Variants in KLHL32 observed in about 807,000 individuals in gnomAD.
The protein encoded by KLHL32 is kelch like family member 32.
A neutral mutation model predicts 64.8 loss-of-function variants in KLHL32; 35 were observed. The observed-to-expected ratio is 0.54, with a 90% confidence interval of 0.41 to 0.72. The LOEUF (loss-of-function observed/expected upper bound fraction) is 0.72. KLHL32 is among the 30% of genes least tolerant of loss of function. KLHL32 has a pLI of 0.00. For synonymous variants in KLHL32, 259 were observed against 281.0 expected (o/e 0.92, Z 0.78); for missense variants, 589 against 768.5 (o/e 0.77, Z 2.76).
chr6:96,992,768 G>A (rs1451670272), intron 3 of KLHL32, among the ~76,000 whole-genome samples: 1 of 152,168 alleles, frequency 6.6e-6, no homozygotes, highest in Non-Finnish European at 1.5e-5. Flanking sequence ...AAAGCCTCTG[G>A]AGAAACTTCA....
At chr6:97,061,014 G>A (rs1012985151) in intron 4 of KLHL32, among the ~76,000 whole-genome samples, 2 of 152,128 alleles carry the variant, frequency 1.3e-5, no homozygotes, top group Admixed American at 1.3e-4. Flanking sequence ...GTAATGAGAT[G>A]TGATCATCTC....
chr6:97,114,073 A>G lies in KLHL32; in HGVS notation c.918A>G (p.Glu306=), dbSNP rs774554789. The G allele has an allele frequency of 6.2e-7, 1 of 1,614,208 alleles. No individual in the cohort carries two copies. Among genetic ancestry groups the G allele is most frequent in the South Asian group, 1.1e-5 (1 of 91,082 alleles). Reference sequence around the variant, plus strand: ...AGCGCGAGGTCTGCAAGGTCAAGGAACTTCGGTACTTCAATCCTGTTGATC... The same window carrying G: ...AGCGCGAGGTCTGCAAGGTCAAGGAGCTTCGGTACTTCAATCCTGTTGATC... The part of the protein sequence containing the change: ...GKKREVCKVK[E]LRYFNPVDQE... Residue 306 remains glutamate (E), a synonymous_variant, in exon 7 of 11, where the codon GAA becomes GAG. Transcript: ENST00000369261.
the KLHL32 span, among the ~76,000 whole-genome samples, chr6:96,911,613 C>G: frequency 2.6e-5 from 4 of 152,098 alleles, no homozygotes; most frequent in African/African-American, 9.7e-5. Flanking sequence ...CTTCCCGCCT[C>G]CCATTTACTC....
intron 1 of KLHL32, among the ~76,000 whole-genome samples, chr6:96,926,097 T>A (rs960519364): frequency 6.6e-5 from 10 of 152,216 alleles, no homozygotes; most frequent in African/African-American, 2.4e-4. Flanking sequence ...ACACAGTACT[T>A]GAAGGCATCA....
intron 6 of KLHL32, among the ~76,000 whole-genome samples, chr6:97,094,674 G>GA (rs913932182): frequency 6.6e-5 from 10 of 152,132 alleles, no homozygotes; most frequent in Non-Finnish European, 1.3e-4. Flanking sequence ...CAAATTCAGG[G>GA]AAAAAAAGTC....
chr6:97,019,684 G>A (rs79509055), intron 3 of KLHL32, among the ~76,000 whole-genome samples: 10,044 of 152,140 alleles, frequency 0.066, 715 homozygotes, highest in African/African-American at 0.18. Context: ...AAAAATAGGA[G>A]ACATCCAAAA....
rs1775654553 is a variant in KLHL32 at position 96,976,047 on chromosome 6, A to G, written c.74A>G (p.Asn25Ser). ...GQRLCHSESH[N>S]DSVLAALNQQ... ...AGGCTCTGCCACTCCGAATCTCACAATGACAGTGTCCTGGCAGCGCTGAAT... is the reference window on the plus strand; with the variant it reads ...AGGCTCTGCCACTCCGAATCTCACAGTGACAGTGTCCTGGCAGCGCTGAAT... Residue 25 changes from asparagine (N) to serine (S), a missense_variant, in exon 3 of 11, where the codon AAT (asparagine) becomes AGT (serine). Physicochemically the swap from Asn to Ser is conservative, Grantham distance 46. This residue lies in a region of KLHL32 where 191 missense variants were observed against 223.3 expected (regional missense o/e 0.86). Transcript: ENST00000369261. 1 of 1,603,188 alleles carries G rather than the reference A, an allele frequency of 6.2e-7. No individual in the cohort carries two copies. Among genetic ancestry groups the G allele is most frequent in the East Asian group, 2.3e-5 (1 of 44,394 alleles).
intron 3 of KLHL32, among the ~76,000 whole-genome samples, chr6:96,992,653 C>T (rs1430847756): frequency 6.6e-6 from 1 of 152,190 alleles, no homozygotes; most frequent in Non-Finnish European, 1.5e-5. Flanking sequence ...TGGCATTTAA[C>T]GGTGTTTGCT....
At chr6:96,932,202 G>GTTTTT (rs1251673140) in intron 1 of KLHL32, among the ~76,000 whole-genome samples, 1 of 124,318 alleles carries the variant, frequency 8.0e-6, no homozygotes. Context: ...AACTGACTGG[G>GTTTTT]TTATTTTTTT....
At chr6:96,912,844 G>C in the KLHL32 span, among the ~76,000 whole-genome samples, 1 of 152,066 alleles carries the variant, frequency 6.6e-6, no homozygotes, top group African/African-American at 2.4e-5. Context: ...TGTAATTGCT[G>C]CTTATTTGTC....
the KLHL32 span, among the ~76,000 whole-genome samples, chr6:96,912,057 C>T: frequency 6.6e-6 from 1 of 151,994 alleles, no homozygotes; most frequent in Non-Finnish European, 1.5e-5. Flanking sequence ...GTCCTACAGG[C>T]CTTTCAGACG....
chr6:97,065,985 A>ATT (rs5878459), intron 5 of KLHL32, among the ~76,000 whole-genome samples: 2 of 151,442 alleles, frequency 1.3e-5, no homozygotes, highest in African/African-American at 4.9e-5. Flanking sequence ...ATGGTTAATG[A>ATT]TTTTTTTTTA....
At chr6:97,021,887 C>A (rs1372145954) in intron 3 of KLHL32, among the ~76,000 whole-genome samples, 1 of 150,898 alleles carries the variant, frequency 6.6e-6, no homozygotes, top group Non-Finnish European at 1.5e-5. Context: ...TGGCAACTGT[C>A]CAGTTAATGC....
intron 5 of KLHL32, among the ~76,000 whole-genome samples, chr6:97,078,046 A>T (rs1193524398): frequency 6.6e-6 from 1 of 152,208 alleles, no homozygotes; most frequent in Non-Finnish European, 1.5e-5. Context: ...TACTTACCGT[A>T]TCCTACTTGC....
rs1434654007 is a variant in KLHL32, at chr6:96,994,336, G to T, written c.204+18159G>T. 3 of 273,630 alleles carry T rather than the reference G, an allele frequency of 1.1e-5. No individual in the cohort carries two copies. The Admixed American group carries it at 1.9e-4, about 18-fold the overall frequency. 17.0% of individuals were successfully genotyped at this position (273,630 alleles called of 1,614,324 possible). On this transcript the variant is annotated intron_variant, in intron 3 of 10. Coordinates refer to ENST00000369261, the MANE Select transcript of KLHL32 (RefSeq NM_052904.4). ...AATAAATATTTATTAAGGGAATGAAGAAATGTTTTCTAATATTTTATAGTT... is the reference window on the plus strand; with the variant it reads ...AATAAATATTTATTAAGGGAATGAATAAATGTTTTCTAATATTTTATAGTT...
At chr6:96,984,468 T>C (rs967171946) in intron 3 of KLHL32, among the ~76,000 whole-genome samples, 10 of 152,166 alleles carry the variant, frequency 6.6e-5, no homozygotes, top group Admixed American at 3.3e-4. Flanking sequence ...CTAATGTTGA[T>C]AGTGGGATGT....
chr6:97,098,682 G>T (rs1259124322), intron 6 of KLHL32, among the ~76,000 whole-genome samples: 1 of 152,094 alleles, frequency 6.6e-6, no homozygotes, highest in African/African-American at 2.4e-5. Context: ...GAACAGTTCT[G>T]TTTAAAATGT....
chr6:97,135,251 T>C (rs1799859345), intron 10 of KLHL32, among the ~76,000 whole-genome samples: 1 of 152,128 alleles, frequency 6.6e-6, no homozygotes, highest in Non-Finnish European at 1.5e-5. Flanking sequence ...ACTGCGTTTA[T>C]TCCTTTGGCT....
chr6:97,086,541 T>C (rs1793442618), intron 6 of KLHL32, among the ~76,000 whole-genome samples: 1 of 152,238 alleles, frequency 6.6e-6, no homozygotes, highest in African/African-American at 2.4e-5. Context: ...ATGAGGCTTC[T>C]GTGCCTTACT....
Sources: gnomAD v4.1 joint callset for allele counts (sites outside exome capture counted in the v4.1 genomes callset) on GRCh38, gnomAD v4.1.1 for gene constraint, gnomAD v4.1.1 regional missense constraint, MANE v1.5 for transcripts, NCBI Gene and HGNC (gene_info 2026-07-23, HGNC 2026-07-21) for gene names.